BNC1: variants seen among roughly 807,000 people sequenced by gnomAD.
BNC1 encodes zinc finger protein basonuclin-1.
A neutral mutation model predicts 66.5 loss-of-function variants in BNC1; 8 were observed. The ratio of observed to expected loss-of-function variants is 0.12; its 90% confidence interval spans 0.07 to 0.22. The LOEUF is 0.22. BNC1 is among the 10% of genes least tolerant of loss of function. The pLI, the probability that BNC1 is intolerant of heterozygous loss-of-function variation, is 1.00. For synonymous variants in BNC1, 454 were observed against 452.6 expected, an observed-to-expected ratio of 1.00 and a Z score of -0.04; for missense variants, 1,069 against 1,241.3, an observed-to-expected ratio of 0.86 and a Z score of 2.09.
intron 1 of BNC1, among the ~76,000 whole-genome samples, chr15:83,272,177 G>C (rs1242773427): frequency 6.6e-6 from 1 of 152,060 alleles, no homozygotes; most frequent in African/African-American, 2.4e-5. Flanking sequence ...AATTTTAAAA[G>C]GGAGAAAAGT....
intron 4 of BNC1, among the ~76,000 whole-genome samples, chr15:83,261,877 G>A (rs1402063678): frequency 6.6e-6 from 1 of 152,032 alleles, no homozygotes; most frequent in Non-Finnish European, 1.5e-5. Context: ...ATGTAGCTGG[G>A]TAACTAGAAA....
At position 83,274,539 on chromosome 15, in the gene BNC1, C is replaced by A. The variant is rs148607091; in HGVS notation, c.100-6307G>T. 7.9e-5 allele frequency among the ~76,000 whole-genome samples: 12 copies of A among 152,312 alleles called. No homozygotes were observed. In the East Asian group the frequency reaches 2.1e-3, roughly 27 times the overall value. On this transcript the variant is annotated intron_variant, in intron 1 of 4. Transcript: ENST00000345382. ...TCACAGAAAGCTCTACTGGACAAGGCTGAGTTCAATGGTAGGTAGATTAGC... is the reference window on the plus strand; with the variant it reads ...TCACAGAAAGCTCTACTGGACAAGGATGAGTTCAATGGTAGGTAGATTAGC...
intron 1 of BNC1, 82 bp downstream of exon 1, chr15:83,284,448 G>A (rs910982793): frequency 4.9e-5 from 46 of 934,850 alleles, no homozygotes; most frequent in African/African-American, 7.2e-5. Flanking sequence ...GGGTACCCAC[G>A]GGAGCCGGAG....
At chr15:83,283,205 C>A (rs979144764) in intron 1 of BNC1, 2 of 1,535,722 alleles carry the variant, frequency 1.3e-6, no homozygotes, top group Non-Finnish European at 1.7e-6. Flanking sequence ...CATGTTTCTA[C>A]ACCGCATTTG....
In BNC1 at chr15:83,266,784, G is replaced by A; in HGVS notation, c.435+52C>T. On this transcript the variant is annotated intron_variant, in intron 3 of 4. Transcript: ENST00000345382. The stretch of plus-strand genomic sequence containing the variant: ...GTAACTGGGTTACGTCAGTTATATG[G>A]GCACAAATTTCAGAAAGCACCCTAG... 2.0e-6 allele frequency: 3 copies of A among 1,531,774 alleles called. 1 individual carries two copies. In the South Asian group the frequency reaches 3.4e-5, roughly 17 times the overall value. The allele number at this position is 1,531,774 out of a possible 1,614,324, so 94.9% of individuals were successfully genotyped here. A position where few individuals can be genotyped will look rare whatever the true frequency, so the allele number is the denominator to read the frequency against.
rs371364587 is a variant in BNC1, at chr15:83,263,372, G to C, written c.1879C>G (p.Gln627Glu). Residue 627 changes from glutamine (Q) to glutamate (E), a missense_variant, in exon 4 of 5, where the codon CAG becomes GAG. Physicochemically the swap from Gln to Glu is conservative, Grantham distance 29 (BLOSUM62 2). Transcript: ENST00000345382. The part of the protein sequence containing the change: ...SSGAISQTPE[Q>E]ATHNSERETE... The stretch of plus-strand genomic sequence containing the variant: ...TCCCTCTCTGAATTGTGTGTGGCCT[G>C]CTCAGGGGTTTGGCTGATGGCTCCA... 6.2e-7 allele frequency: 1 copy of C among 1,614,082 alleles called. No homozygotes were observed. The highest frequency in any genetic ancestry group is 8.5e-7 in the Non-Finnish European group (1 of 1,180,044).
chr15:83,270,486 T>TCAA (rs1474332103), intron 1 of BNC1, among the ~76,000 whole-genome samples: 1 of 152,210 alleles, frequency 6.6e-6, no homozygotes, highest in African/African-American at 2.4e-5. Flanking sequence ...CACATCCTCA[T>TCAA]CAACACTTGT....
At chr15:83,264,849 A>C in intron 3 of BNC1, 34 bp from the exon 4 acceptor site, 1 of 1,588,544 alleles carries the variant, frequency 6.3e-7, no homozygotes, top group Non-Finnish European at 8.6e-7. Context: ...AGTGTGATCA[A>C]TTTACAACTC....
chr15:83,261,952 C>T (rs564184220), intron 4 of BNC1, among the ~76,000 whole-genome samples: 2 of 151,662 alleles, frequency 1.3e-5, no homozygotes. Context: ...CGTTTTGGGA[C>T]GCTATAGTGG....
chr15:83,263,105 C>T lies in BNC1; in HGVS notation c.2146G>A (p.Glu716Lys). The change falls in exon 4 of 5, where the codon GAA becomes AAA. Residue 716 changes from glutamate to lysine, a missense_variant. Glu to Lys is a moderately conservative substitution (Grantham distance 56). Around this residue, in one of 7 missense-constraint regions of BNC1, gnomAD observed 657 missense variants for 715.8 expected, o/e 0.92. Transcript: ENST00000345382. Reference protein sequence around the residue: ...VGQHALARQIEENRFQCDICK... With the variant: ...VGQHALARQIKENRFQCDICK... ...ATGTCACACTGGAAGCGATTTTCTT[C>T]TATCTGCCTTGCTAATGCATGCTGA... is the stretch of plus-strand genomic sequence containing the variant. 6.2e-7 allele frequency: 1 copy of T among 1,614,204 alleles called. No homozygotes were observed. The highest frequency in any genetic ancestry group is 8.5e-7 in the Non-Finnish European group (1 of 1,180,024).
At chr15:83,272,678 C>T (rs1469525470) in intron 1 of BNC1, among the ~76,000 whole-genome samples, 2 of 152,196 alleles carry the variant, frequency 1.3e-5, no homozygotes, top group South Asian at 2.1e-4. Context: ...AAAAGGCTCA[C>T]GCAACCCAGG....
rs370009845 is a variant in BNC1 at position 83,257,531 on chromosome 15, T to C, written c.2896A>G (p.Met966Val). ...HKCKVPGCNT[M>V]FSSVRSRNRH... ...TTTCGACTGCGAACAGACGAAAACA[T>C]GGTGTTGCAGCCTGGTACTTTGCAT... The change falls in exon 5 of 5, where the codon ATG (methionine) becomes GTG (valine). Residue 966 changes from methionine (M) to valine (V), a missense_variant. By Grantham distance (21) the Met-to-Val change is conservative (BLOSUM62 1). Around this residue, in one of 7 missense-constraint regions of BNC1, gnomAD observed 657 missense variants for 715.8 expected, o/e 0.92. Coordinates refer to ENST00000345382, the MANE Select transcript of BNC1 (RefSeq NM_001717.4). 9.1e-5 allele frequency: 147 copies of C among 1,614,024 alleles called. No homozygotes were observed. The highest frequency in any genetic ancestry group is 1.2e-4 in the Non-Finnish European group (143 of 1,180,028).
chr15:83,261,685 G>A (rs542279709), intron 4 of BNC1, among the ~76,000 whole-genome samples: 3 of 152,202 alleles, frequency 2.0e-5, no homozygotes, highest in African/African-American at 7.2e-5. Flanking sequence ...TATCCCCACG[G>A]TGATGAGATA....
chr15:83,261,381 T>C (rs1328186375), intron 4 of BNC1, among the ~76,000 whole-genome samples: 1 of 152,264 alleles, frequency 6.6e-6, no homozygotes, highest in Non-Finnish European at 1.5e-5. Context: ...TGGGAGTCTG[T>C]ACATTTTCAC....
intron 1 of BNC1, chr15:83,283,384 G>A (rs1405669810): frequency 7.4e-7 from 1 of 1,354,900 alleles, no homozygotes; most frequent in East Asian, 3.0e-5. Flanking sequence ...GGGAGACCCC[G>A]CAGCGGCCTC....
chr15:83,266,221 G>T (rs1186569029), intron 3 of BNC1, among the ~76,000 whole-genome samples: 1 of 131,082 alleles, frequency 7.6e-6, no homozygotes, highest in Admixed American at 8.3e-5. Flanking sequence ...GAAAAGAAGA[G>T]AATATATGAA....
chr15:83,259,358 C>T (rs1248853368), intron 4 of BNC1, among the ~76,000 whole-genome samples: 2 of 152,178 alleles, frequency 1.3e-5, no homozygotes, highest in African/African-American at 2.4e-5. Flanking sequence ...GTTGGGAAAA[C>T]ACCTTCACCA....
chr15:83,263,887 C>T lies in BNC1; in HGVS notation c.1364G>A (p.Ser455Asn). Residue 455 changes from serine (S) to asparagine (N), a missense_variant, in exon 4 of 5, where the codon AGC becomes AAC. Transcript: ENST00000345382. ...GGAATCCTCTCCTGAACCAGGGTAG[C>T]TGGGAGGAGGCCTACAGTCTGGGGA... ...VTSPDCRPPP[S>N]YPGSGEDSKG... 2 of 1,614,170 alleles carry T rather than the reference C, an allele frequency of 1.2e-6. No individual in the cohort carries two copies. Among genetic ancestry groups the T allele is most frequent in the South Asian group, 1.1e-5 (1 of 91,076 alleles).
At chr15:83,274,861 T>C (rs1467085002) in intron 1 of BNC1, among the ~76,000 whole-genome samples, 1 of 152,210 alleles carries the variant, frequency 6.6e-6, no homozygotes, top group Non-Finnish European at 1.5e-5. Context: ...ACTGGGATGG[T>C]CTCAAATTTG....
Sources: gnomAD v4.1 joint callset for allele counts (sites outside exome capture counted in the v4.1 genomes callset) on GRCh38, gnomAD v4.1.1 for gene constraint, gnomAD v4.1.1 regional missense constraint, MANE v1.5 for transcripts, NCBI Gene and HGNC (gene_info 2026-07-23, HGNC 2026-07-21) for gene names.